PLCE1: variants seen among roughly 807,000 people sequenced by gnomAD.
The protein encoded by PLCE1 is phospholipase C epsilon 1, also known as 1-phosphatidylinositol 4,5-bisphosphate phosphodiesterase epsilon-1.
Under a neutral mutation model 242.8 loss-of-function variants are expected in PLCE1, and 119 were observed. The ratio of observed to expected loss-of-function variants is 0.49; its 90% CI spans 0.42 to 0.57. The LOEUF (loss-of-function observed/expected upper bound fraction) is 0.57. Ranked by LOEUF, PLCE1 falls within the 20% of genes least tolerant of loss-of-function variation. The pLI, the probability that PLCE1 is intolerant of heterozygous loss-of-function variation, is 0.00. For synonymous variants in PLCE1, 945 were observed against 1,017.4 expected, an observed-to-expected ratio of 0.93 and a Z score of 1.35; for missense variants, 2,441 against 2,788.8, an observed-to-expected ratio of 0.88 and a Z score of 2.81.
At chr10:94,284,053 G>T (rs2052347375) in intron 21 of PLCE1, 142 bp downstream of exon 21, 1 of 939,226 alleles carries the variant, frequency 1.1e-6, no homozygotes, top group Non-Finnish European at 1.6e-6. Flanking sequence ...TTCACTTGGT[G>T]ATATTAAAAG....
intron 2 of PLCE1, among the ~76,000 whole-genome samples, chr10:94,042,099 T>G (rs2061780101): frequency 6.6e-6 from 1 of 152,168 alleles, no homozygotes; most frequent in African/African-American, 2.4e-5. Context: ...AAGTCTAAAA[T>G]TGTGCCAGTC....
chr10:94,210,088 G>A (rs1466137947), intron 4 of PLCE1, among the ~76,000 whole-genome samples: 4 of 151,866 alleles, frequency 2.6e-5, no homozygotes, highest in South Asian at 2.1e-4. Context: ...CCAAAAAAAT[G>A]ATCTTTTTTT....
chr10:94,196,859 C>T (rs1050394280), intron 4 of PLCE1, among the ~76,000 whole-genome samples: 2 of 152,092 alleles, frequency 1.3e-5, no homozygotes, highest in Admixed American at 6.5e-5. Context: ...CTGTATAATA[C>T]ATACATTTAA....
intron 8 of PLCE1, 44 bp downstream of exon 8, chr10:94,246,665 C>T (rs1224330145): frequency 6.5e-7 from 1 of 1,543,590 alleles, no homozygotes; most frequent in Admixed American, 1.7e-5. Flanking sequence ...GCATAATACT[C>T]AAGAGCACAC....
chr10:94,176,111 C>T (rs926608257), intron 4 of PLCE1, among the ~76,000 whole-genome samples: 6 of 152,080 alleles, frequency 3.9e-5, no homozygotes, highest in African/African-American at 1.2e-4. Context: ...TGAAGACATA[C>T]TTATTGGCTG....
rs1197404313 is a variant in PLCE1, at chr10:94,254,942, C to G, written c.3447C>G (p.Ala1149=). The change falls in exon 11 of 33, where the codon GCC becomes GCG. Residue 1149 remains alanine (A), a synonymous_variant. Transcript: ENST00000371380. The part of the protein sequence containing the change: ...NPPNPLPSRR[A]HSLTTAGSPN... ...CAAACCCCCTCCCTTCCAGAAGAGC[C>G]CACTCTTTGACCACAGCTGGGTCCC... 3 of 1,613,886 alleles carry G rather than the reference C, an allele frequency of 1.9e-6. No individual in the cohort carries two copies. Among genetic ancestry groups the G allele is most frequent in the African/African-American group, 1.3e-5 (1 of 74,896 alleles).
chr10:94,158,121 A>G (rs2047490832), intron 3 of PLCE1, among the ~76,000 whole-genome samples: 1 of 152,208 alleles, frequency 6.6e-6, no homozygotes. Flanking sequence ...TTGTTATAAA[A>G]CAGAGACACA....
At chr10:94,049,764 A>G (rs913595052) in intron 2 of PLCE1, among the ~76,000 whole-genome samples, 1 of 152,168 alleles carries the variant, frequency 6.6e-6, no homozygotes, top group Non-Finnish European at 1.5e-5. Context: ...CCTTTGTTGT[A>G]TCTCCTTTCA....
chr10:94,072,872 C>T (rs530734424), intron 2 of PLCE1, among the ~76,000 whole-genome samples: 2 of 152,324 alleles, frequency 1.3e-5, no homozygotes, highest in South Asian at 4.1e-4. Flanking sequence ...CTCACCCACA[C>T]AGATGCACTG....
intron 3 of PLCE1, among the ~76,000 whole-genome samples, chr10:94,164,902 C>G (rs188674360): frequency 1.6e-3 from 239 of 152,348 alleles, no homozygotes; most frequent in Admixed American, 3.7e-3. Flanking sequence ...GAGGTCCACT[C>G]TGGACCCTGT....
chr10:94,061,159 G>C (rs905825334), intron 2 of PLCE1, among the ~76,000 whole-genome samples: 1 of 152,128 alleles, frequency 6.6e-6, no homozygotes, highest in African/African-American at 2.4e-5. Context: ...CTGCTTTTTG[G>C]TTGTATTTTG....
At chr10:94,259,191 G>T in intron 13 of PLCE1, 41 bp downstream of exon 13, 1 of 1,606,854 alleles carries the variant, frequency 6.2e-7, no homozygotes, top group Non-Finnish European at 8.5e-7. Flanking sequence ...GGATCAATCT[G>T]TCTAAAACTT....
chr10:94,033,461 T>C (rs887540981), intron 2 of PLCE1, among the ~76,000 whole-genome samples: 2 of 152,162 alleles, frequency 1.3e-5, no homozygotes, highest in Admixed American at 6.6e-5. Flanking sequence ...GAAATATCTG[T>C]GACTTCTATT....
At chr10:94,204,786 G>GGAAA in intron 4 of PLCE1, among the ~76,000 whole-genome samples, 1 of 138,848 alleles carries the variant, frequency 7.2e-6, no homozygotes, top group Non-Finnish European at 1.6e-5. Context: ...AAGGAAGGAA[G>GGAAA]GAAGGAAGGA....
intron 2 of PLCE1, among the ~76,000 whole-genome samples, chr10:94,125,859 A>C (rs761957079): frequency 6.6e-6 from 1 of 152,160 alleles, no homozygotes; most frequent in Non-Finnish European, 1.5e-5. Flanking sequence ...AGTAGAAGTC[A>C]AGTCAAGAAA....
At chr10:94,148,087 C>A (rs752579544) in intron 3 of PLCE1, among the ~76,000 whole-genome samples, 46 of 152,116 alleles carry the variant, frequency 3.0e-4, no homozygotes, top group Non-Finnish European at 5.4e-4. Flanking sequence ...TTACTTAACT[C>A]TTCTCTTCTA....
chr10:94,277,434 G>A (rs1302094262), intron 19 of PLCE1, among the ~76,000 whole-genome samples: 1 of 152,122 alleles, frequency 6.6e-6, no homozygotes. Flanking sequence ...GTAGGATATT[G>A]CATAGAAGGG....
chr10:94,239,891 G>A (rs1267376420), intron 7 of PLCE1, among the ~76,000 whole-genome samples: 1 of 152,202 alleles, frequency 6.6e-6, no homozygotes, highest in Non-Finnish European at 1.5e-5. Flanking sequence ...AGGGAAGGAT[G>A]CAGACAGGCC....
chr10:94,005,941 A>C (rs2061028437), intron 1 of PLCE1, among the ~76,000 whole-genome samples: 1 of 152,134 alleles, frequency 6.6e-6, no homozygotes, highest in Non-Finnish European at 1.5e-5. Context: ...TCCAGCCCTC[A>C]CACAATATTG....
Sources: allele counts gnomAD v4.1 joint callset (sites outside exome capture counted in the v4.1 genomes callset), GRCh38; gene constraint gnomAD v4.1.1; transcripts MANE v1.5; gene names NCBI Gene and HGNC (gene_info 2026-07-23, HGNC 2026-07-21).